Variants in RPL5 observed in about 807,000 individuals in gnomAD.
RPL5 encodes ribosomal protein L5.
RPL5 carries 1 observed loss-of-function variant against 38.4 expected under a neutral mutation model. That is an observed-to-expected ratio of 0.03 (90% CI 0.01 to 0.12). The LOEUF (loss-of-function observed/expected upper bound fraction) is 0.12. RPL5 is among the 10% of genes least tolerant of loss of function. The pLI, the probability that RPL5 is intolerant of heterozygous loss-of-function variation, is 1.00. For synonymous variants in RPL5, 109 were observed against 121.2 expected (o/e 0.90, Z 0.66); for missense variants, 243 against 374.1 (o/e 0.65, Z 2.89).
rs747509136 is a variant in RPL5, at chr1:92,840,649, CTTT to C, written c.794+17_794+19del. ...AAGTTAAAAAGAAGAGGTATGTCGT[CTTT>C]TTTTTTGTCTTTTCAAGAAAACAGG... On this transcript the variant is annotated intron_variant, in intron 7 of 7. Transcript: ENST00000370321. 16 of 1,573,194 alleles carry C rather than the reference CTTT, an allele frequency of 1.0e-5. No individual in the cohort carries two copies. In the East Asian group the frequency reaches 3.2e-4, roughly 31 times the overall value.
chr1:92,836,254 A>T lies in RPL5; in HGVS notation c.389A>T (p.Tyr130Phe), dbSNP rs539328780. The T allele has an allele frequency of 1.9e-6, 3 of 1,613,848 alleles. No homozygotes were observed. The part of the protein sequence containing the change: ...EGQVEVTGDE[Y>F]NVESIDGQPG... ...CAAGTGGAGGTGACTGGTGATGAAT[A>T]CAATGTGGAAAGCATTGATGGTCAG... is the stretch of plus-strand genomic sequence containing the variant. Residue 130 changes from tyrosine (Y) to phenylalanine (F), a missense_variant, in exon 5 of 8, where the codon TAC becomes TTC. Physicochemically the swap from Tyr to Phe is conservative, Grantham distance 22. Coordinates refer to ENST00000370321, the MANE Select transcript of RPL5 (RefSeq NM_000969.5).
intron 5 of RPL5, 92 bp downstream of exon 5, chr1:92,836,484 C>G: frequency 4.2e-6 from 5 of 1,192,682 alleles, no homozygotes; most frequent in Admixed American, 1.8e-5. Flanking sequence ...ATTAAAGTAG[C>G]TATCAATTGA....
rs1687125364 is a variant in RPL5, at chr1:92,836,339, A to C, written c.474A>C (p.Lys158Asn). Residue 158 changes from lysine to asparagine, a missense_variant, in exon 5 of 8, where the codon AAA (lysine) becomes AAC (asparagine). Transcript: ENST00000370321. ...TTGCCAGAACTACCACTGGCAATAA[A>C]GTTTTTGGTGCCCTGAAGGGAGCTG... ...AGLARTTTGN[K>N]VFGALKGAVD... 1 of 1,614,184 alleles carries C rather than the reference A, an allele frequency of 6.2e-7. No homozygotes were observed. Among genetic ancestry groups the C allele is most frequent in the Non-Finnish European group, 8.5e-7 (1 of 1,180,040 alleles).
rs747703119 is a variant in RPL5 at position 92,833,530 on chromosome 1, AT to A, written c.74-8del. The A allele has an allele frequency of 1.9e-6, 3 of 1,612,608 alleles. No homozygotes were observed. Among genetic ancestry groups the A allele is most frequent in the African/African-American group, 1.3e-5 (1 of 74,986 alleles). ...GCAGTGGAGTATCCTTTCTACAATT[AT>A]TTTTTTCTTTCAGAGGGTAAAACTG... On this transcript the variant is annotated splice_polypyrimidine_tract_variant and intron_variant, in intron 2 of 7. Coordinates refer to ENST00000370321, the MANE Select transcript of RPL5 (RefSeq NM_000969.5).
At position 92,834,763 on chromosome 1, in the gene RPL5, TTC is replaced by T. The variant is rs774233666; in HGVS notation, c.190-10_190-9del. On this transcript the variant is annotated splice_polypyrimidine_tract_variant and intron_variant, in intron 3 of 7. Coordinates refer to ENST00000370321, the MANE Select transcript of RPL5 (RefSeq NM_000969.5). ...GAAAGCAACAGATTACTAACCTAGTTTCTCTCTTACTATAGATTGCTTATGCC... is the reference window on the plus strand; with the variant it reads ...GAAAGCAACAGATTACTAACCTAGTTTCTCTTACTATAGATTGCTTATGCC... The T allele has an allele frequency of 1.2e-6, 2 of 1,612,444 alleles. No homozygotes were observed. Among genetic ancestry groups the T allele is most frequent in the South Asian group, 2.2e-5 (2 of 91,004 alleles).
chr1:92,833,005 A>T, intron 1 of RPL5: 1 of 739,932 alleles, frequency 1.4e-6, no homozygotes, highest in Non-Finnish European at 2.5e-6. Flanking sequence ...AGTGCTTCGC[A>T]AAAGTTTGGC....
intron 6 of RPL5, 123 bp downstream of exon 6, chr1:92,837,756 C>A: frequency 1.3e-6 from 1 of 783,840 alleles, no homozygotes; most frequent in South Asian, 1.6e-5. Flanking sequence ...CTAGACTTGT[C>A]AACATTCTTT....
intron 5 of RPL5, chr1:92,836,618 T>G: frequency 1.8e-6 from 1 of 548,972 alleles, no homozygotes; most frequent in Admixed American, 3.1e-5. Flanking sequence ...TTCGGGCCAG[T>G]TATTGAAAGA....
rs974629918 is a variant in RPL5 at position 92,833,470 on chromosome 1, T to C, written c.73+12T>C. ...TAGAAGACGACGAGGTACTGTCACC[T>C]TTTTGTGTTTACAATATTAATCTGC... On this transcript the variant is annotated intron_variant, in intron 2 of 7. Coordinates refer to ENST00000370321, the MANE Select transcript of RPL5 (RefSeq NM_000969.5). 2 of 1,613,574 alleles carry C rather than the reference T, an allele frequency of 1.2e-6. No homozygotes were observed. The highest frequency in any genetic ancestry group is 1.7e-6 in the Non-Finnish European group (2 of 1,179,522).
chr1:92,832,052 C>A lies in RPL5; in HGVS notation c.-63C>A, dbSNP rs1001095608. On this transcript the variant is annotated 5_prime_UTR_variant, in exon 1 of 8. Coordinates refer to ENST00000370321, the MANE Select transcript of RPL5 (RefSeq NM_000969.5). ...CAAGGGCTGTGGCCCTTTTCCCACC[C>A]CCTAGCGCCGCTGGGCCTGCAGGTC... The A allele has an allele frequency of 1.2e-6, 2 of 1,610,296 alleles. No homozygotes were observed. The highest frequency in any genetic ancestry group is 8.5e-7 in the Non-Finnish European group (1 of 1,178,534).
intron 6 of RPL5, among the ~76,000 whole-genome samples, chr1:92,839,842 TCTTA>T (rs772428349): frequency 2.6e-5 from 4 of 152,116 alleles, no homozygotes; most frequent in East Asian, 3.9e-4. Context: ...CTTTTTGTTT[TCTTA>T]CTTTTTTTTT....
chr1:92,834,497 T>C (rs565831571), intron 3 of RPL5, among the ~76,000 whole-genome samples: 9 of 152,320 alleles, frequency 5.9e-5, no homozygotes, highest in Admixed American at 4.6e-4. Flanking sequence ...TGTGAAGGCA[T>C]TGTCTTCCTC....
chr1:92,834,650 G>C (rs1687046007), intron 3 of RPL5, 129 bp from the exon 4 acceptor site: 1 of 1,236,188 alleles, frequency 8.1e-7, no homozygotes, highest in Non-Finnish European at 1.2e-6. Context: ...ACCCAGCTAA[G>C]AGTCTTAAGC....
intron 5 of RPL5, 93 bp from the exon 6 acceptor site, chr1:92,837,363 C>G (rs749211199): frequency 1.8e-6 from 2 of 1,088,654 alleles, no homozygotes; most frequent in Non-Finnish European, 2.9e-6. Context: ...ATAATTGTTT[C>G]AAGACGGGAC....
intron 3 of RPL5, chr1:92,833,888 T>A (rs1307256378): frequency 1.9e-6 from 1 of 535,946 alleles, no homozygotes; most frequent in Non-Finnish European, 3.3e-6. Context: ...GGAAGATTGC[T>A]TGAGCCCAGG....
intron 4 of RPL5, chr1:92,835,394 T>TA (rs1431007925): frequency 4.7e-6 from 1 of 210,638 alleles, no homozygotes; most frequent in African/African-American, 2.3e-5. Flanking sequence ...GGCTCACACT[T>TA]ATAATCCCAG....
intron 5 of RPL5, chr1:92,837,182 T>C (rs1687162782): frequency 3.4e-6 from 2 of 587,952 alleles, no homozygotes; most frequent in East Asian, 3.5e-5. Context: ...CTTCCTGTGC[T>C]GATGTGCTGG....
At chr1:92,841,196 C>T (rs777982184) in intron 7 of RPL5, among the ~76,000 whole-genome samples, 8 of 152,154 alleles carry the variant, frequency 5.3e-5, no homozygotes, top group Admixed American at 2.6e-4. Flanking sequence ...TCTTTGCACC[C>T]ACCAGCCTCT....
intron 6 of RPL5, among the ~76,000 whole-genome samples, chr1:92,839,783 G>GT (rs1687278668): frequency 6.6e-6 from 1 of 152,174 alleles, no homozygotes; most frequent in African/African-American, 2.4e-5. Context: ...TTGATTTAGA[G>GT]TGACTCAAGA....
Sources: gnomAD v4.1 joint callset for allele counts (sites outside exome capture counted in the v4.1 genomes callset) on GRCh38, gnomAD v4.1.1 for gene constraint, MANE v1.5 for transcripts, NCBI Gene and HGNC (gene_info 2026-07-23, HGNC 2026-07-21) for gene names.